Variants in ITGA1 observed in about 807,000 individuals in gnomAD.
ITGA1 encodes integrin alpha-1.
Under a neutral mutation model 145.9 loss-of-function variants are expected in ITGA1, and 85 were observed. That is an observed-to-expected ratio of 0.58 (90% CI 0.49 to 0.70). The LOEUF (loss-of-function observed/expected upper bound fraction) is 0.70. Among genes scored for constraint, ITGA1 ranks in the 30% least tolerant of loss-of-function variants. The pLI is 0.00. For synonymous variants in ITGA1, 520 were observed against 495.3 expected (o/e 1.05, Z -0.66); for missense variants, 1,351 against 1,418.7 (o/e 0.95, Z 0.77).
At chr5:52,897,196 T>G (rs1750239700) in intron 9 of ITGA1, among the ~76,000 whole-genome samples, 1 of 152,018 alleles carries the variant, frequency 6.6e-6, no homozygotes, top group Admixed American at 6.6e-5. Flanking sequence ...GAATGGAGAT[T>G]TCTCAACCCC....
intron 27 of ITGA1, among the ~76,000 whole-genome samples, chr5:52,945,740 T>A (rs1193644170): frequency 1.3e-5 from 2 of 152,196 alleles, no homozygotes; most frequent in Admixed American, 6.5e-5. Flanking sequence ...ACCATGTGAA[T>A]CATAAAATTC....
At chr5:52,939,451 C>T in intron 24 of ITGA1, 139 bp from the exon 25 acceptor site, 1 of 624,704 alleles carries the variant, frequency 1.6e-6, no homozygotes, top group Non-Finnish European at 2.8e-6. Context: ...CAACCTTTCC[C>T]ATACAGCACA....
intron 1 of ITGA1, chr5:52,800,327 C>T (rs1484723230): frequency 5.7e-6 from 9 of 1,579,936 alleles, no homozygotes; most frequent in South Asian, 3.4e-5. Context: ...TTCCCATCCC[C>T]TCTCCCGGGG....
chr5:52,911,783 A>ATGGTG (rs1750547261), intron 14 of ITGA1, among the ~76,000 whole-genome samples: 6 of 139,238 alleles, frequency 4.3e-5, no homozygotes, highest in Non-Finnish European at 9.2e-5. Flanking sequence ...TACTATATAT[A>ATGGTG]TAGTGTATCT....
At chr5:52,848,782 G>A (rs1749378345) in intron 1 of ITGA1, among the ~76,000 whole-genome samples, 1 of 148,004 alleles carries the variant, frequency 6.8e-6, no homozygotes, top group South Asian at 2.1e-4. Flanking sequence ...CTGTGTCCAG[G>A]TGTTCTCATT....
intron 2 of ITGA1, among the ~76,000 whole-genome samples, chr5:52,850,502 A>C (rs1749413340): frequency 6.6e-6 from 1 of 152,162 alleles, no homozygotes; most frequent in African/African-American, 2.4e-5. Flanking sequence ...CTGTAATAAT[A>C]AGCAAAAAGA....
chr5:52,947,990 A>T (rs1449672745), intron 28 of ITGA1, among the ~76,000 whole-genome samples: 2 of 152,158 alleles, frequency 1.3e-5, no homozygotes, highest in African/African-American at 4.8e-5. Flanking sequence ...GCCTGAGTGG[A>T]GGATAAGGGA....
chr5:52,848,748 C>A (rs771142999), intron 1 of ITGA1, among the ~76,000 whole-genome samples: 14 of 147,334 alleles, frequency 9.5e-5, no homozygotes, highest in Non-Finnish European at 2.1e-4. Context: ...ACACAACAGG[C>A]TGCGGTGTGT....
At position 52,918,718 on chromosome 5, in the gene ITGA1, G is replaced by T; in HGVS notation, c.1989-14G>T. On this transcript the variant is annotated splice_polypyrimidine_tract_variant and intron_variant, in intron 15 of 28. Transcript: ENST00000282588. ...GTAAAAATGTGTGAGTAATCCCATT[G>T]TTTTTGTTTGTAGGTCCCGAGATGT... 1 of 1,597,348 alleles carries T rather than the reference G, an allele frequency of 6.3e-7. No homozygotes were observed. Among genetic ancestry groups the T allele is most frequent in the Non-Finnish European group, 8.5e-7 (1 of 1,174,448 alleles).
In ITGA1 at chr5:52,887,850, G is replaced by C. The variant is rs1750079266; in HGVS notation, c.809G>C (p.Arg270Thr). 7.4e-6 allele frequency: 12 copies of C among 1,613,802 alleles called. No individual in the cohort carries two copies. The highest frequency in any genetic ancestry group is 1.0e-5 in the Non-Finnish European group (12 of 1,179,760). ...TTCACGGAAGCCCGGGGTGCCCGAAGAGGAGTTAAAAAAGTCATGGTTATT... is the reference window on the plus strand; with the variant it reads ...TTCACGGAAGCCCGGGGTGCCCGAACAGGAGTTAAAAAAGTCATGGTTATT... ...EAFTEARGARRGVKKVMVIVT... is the reference protein window; with the variant it reads ...EAFTEARGARTGVKKVMVIVT... The change falls in exon 8 of 29, where the codon AGA becomes ACA. Residue 270 changes from arginine (R) to threonine (T), a missense_variant. Coordinates refer to ENST00000282588, the MANE Select transcript of ITGA1 (RefSeq NM_181501.2).
At chr5:52,815,151 A>G (rs6450090) in intron 1 of ITGA1, among the ~76,000 whole-genome samples, 46,556 of 152,006 alleles carry the variant, frequency 0.31, 7,737 homozygotes, top group African/African-American at 0.44. Context: ...TGGGCACCAA[A>G]TGCTAAGCAG....
At chr5:52,892,342 A>G (rs1750164538) in intron 8 of ITGA1, among the ~76,000 whole-genome samples, 1 of 152,190 alleles carries the variant, frequency 6.6e-6, no homozygotes, top group African/African-American at 2.4e-5. Context: ...GACAATAACA[A>G]GTATTGACAC....
chr5:52,832,421 A>G (rs1749085768), intron 1 of ITGA1, among the ~76,000 whole-genome samples: 1 of 152,222 alleles, frequency 6.6e-6, no homozygotes. Flanking sequence ...AGTAGAATAG[A>G]TGCCAAAAAA....
chr5:52,937,809 G>C (rs758881277), intron 24 of ITGA1, among the ~76,000 whole-genome samples: 1 of 152,186 alleles, frequency 6.6e-6, no homozygotes, highest in Non-Finnish European at 1.5e-5. Context: ...GGCTCCAAGA[G>C]AGACTCTTTC....
At chr5:52,822,532 C>T (rs769345534) in intron 1 of ITGA1, among the ~76,000 whole-genome samples, 6 of 152,150 alleles carry the variant, frequency 3.9e-5, no homozygotes, top group East Asian at 1.9e-4. Flanking sequence ...GCTGAGTATC[C>T]GGACTGCTCT....
intron 2 of ITGA1, among the ~76,000 whole-genome samples, chr5:52,858,455 C>T (rs1749550287): frequency 6.6e-6 from 1 of 152,210 alleles, no homozygotes; most frequent in Non-Finnish European, 1.5e-5. Flanking sequence ...GCTTCTCTCT[C>T]TAAGTTATAA....
chr5:52,842,092 G>A (rs16880351), intron 1 of ITGA1, among the ~76,000 whole-genome samples: 10,073 of 152,160 alleles, frequency 0.066, 577 homozygotes, highest in African/African-American at 0.15. Flanking sequence ...CCTTGTAATA[G>A]ACTTGCAACC....
chr5:52,927,713 T>TA (rs1561252057), intron 20 of ITGA1, 49 bp downstream of exon 20: 2 of 1,122,622 alleles, frequency 1.8e-6, no homozygotes, highest in African/African-American at 1.5e-5. Flanking sequence ...TGAAAAGTAA[T>TA]ATGTGCAAAG....
At chr5:52,908,584 A>G (rs760635572) in intron 12 of ITGA1, among the ~76,000 whole-genome samples, 3 of 152,216 alleles carry the variant, frequency 2.0e-5, no homozygotes, top group Non-Finnish European at 4.4e-5. Flanking sequence ...AAAAATCACT[A>G]TAGTATTACT....
Sources: gnomAD v4.1 joint callset for allele counts (sites outside exome capture counted in the v4.1 genomes callset) on GRCh38, gnomAD v4.1.1 for gene constraint, MANE v1.5 for transcripts, NCBI Gene and HGNC (gene_info 2026-07-23, HGNC 2026-07-21) for gene names.